The following KCNH1 variants were observed in gnomAD, a reference collection of about 807,000 sequenced individuals.
The protein encoded by KCNH1 is voltage-gated delayed rectifier potassium channel KCNH1.
In KCNH1, 27 loss-of-function variants were observed where a neutral mutation model predicts 69.2. That is an observed-to-expected ratio of 0.39 (90% CI 0.29 to 0.54). KCNH1 has a LOEUF of 0.54. Ranked by LOEUF, KCNH1 falls within the 20% of genes least tolerant of loss-of-function variation. The pLI is 0.68. For missense variants in KCNH1, 798 were observed against 1,261.6 expected (o/e 0.63, Z 5.57); for synonymous variants, 456 against 487.7 (o/e 0.93, Z 0.86).
At chr1:210,924,970 C>T (rs909550756) in intron 6 of KCNH1, among the ~76,000 whole-genome samples, 1 of 152,022 alleles carries the variant, frequency 6.6e-6, no homozygotes, top group African/African-American at 2.4e-5. Context: ...AGTACCCTAC[C>T]CAACTGATGC....
rs185317963 is a variant in KCNH1 at position 210,860,680 on chromosome 1, C to T, written c.1463-56514G>A. ...TACAGGTCTGATAAATGCTGTGATA[C>T]ATTCTTTAGATTTTTCTTGATTGCT... On this transcript the variant is annotated intron_variant, in intron 7 of 10. Coordinates refer to ENST00000271751, the MANE Select transcript of KCNH1 (RefSeq NM_172362.3). The T allele has an allele frequency of 1.9e-4, 147 of 775,160 alleles. 1 individual carries two copies. The African/African-American group carries it at 2.2e-3, about 12-fold the overall frequency. The allele number at this position is 775,160 out of a possible 1,614,324, so 48.0% of individuals were successfully genotyped here.
At chr1:211,070,715 A>C (rs1018545536) in intron 5 of KCNH1, among the ~76,000 whole-genome samples, 1 of 150,216 alleles carries the variant, frequency 6.7e-6, no homozygotes, top group Admixed American at 6.6e-5. Context: ...TCCCAGCTAC[A>C]GGAGGCTGAG....
At chr1:210,755,838 C>T (rs1247522226) in intron 10 of KCNH1, among the ~76,000 whole-genome samples, 1 of 152,180 alleles carries the variant, frequency 6.6e-6, no homozygotes, top group African/African-American at 2.4e-5. Flanking sequence ...TCTGAGTCCT[C>T]CCCACAGTGA....
chr1:210,788,321 C>A (rs752047348), intron 9 of KCNH1, among the ~76,000 whole-genome samples: 1 of 152,142 alleles, frequency 6.6e-6, no homozygotes, highest in Non-Finnish European at 1.5e-5. Flanking sequence ...CTATATATAG[C>A]TATATATTCT....
At chr1:211,108,111 A>T (rs1390712194) in intron 1 of KCNH1, among the ~76,000 whole-genome samples, 1 of 152,212 alleles carries the variant, frequency 6.6e-6, no homozygotes, top group Non-Finnish European at 1.5e-5. Flanking sequence ...TGCAGGGTTT[A>T]GGTAGGCTAG....
chr1:210,696,862 A>G (rs766847956), intron 10 of KCNH1, among the ~76,000 whole-genome samples: 13 of 152,224 alleles, frequency 8.5e-5, no homozygotes, highest in Admixed American at 8.5e-4. Flanking sequence ...ATCCAAGTCT[A>G]TCTTAGAAGT....
rs146388429 is a variant in KCNH1, at chr1:211,037,081, A to G, written c.559-17825T>C. Among the ~76,000 whole-genome samples the G allele has an allele frequency of 3.3e-4, 51 of 152,340 alleles. 1 individual carries two copies. Among genetic ancestry groups the G allele is most frequent in the African/African-American group, 1.2e-3 (51 of 41,574 alleles). On this transcript the variant is annotated intron_variant, in intron 5 of 10. Transcript: ENST00000271751. ...ATAGGGAAATCAGACTGACTAACCT[A>G]TCACATTTCTCTAGCATTTTTACTT...
At position 210,989,173 on chromosome 1, in the gene KCNH1, T is replaced by C. The variant is rs558254259; in HGVS notation, c.1032+29610A>G. 1.7e-4 allele frequency among the ~76,000 whole-genome samples: 26 copies of C among 152,348 alleles called. No homozygotes were observed. In the South Asian group the frequency reaches 5.4e-3, roughly 32 times the overall value. ...GCAAAAGAAAGTGGGCCAAGTTTTG[T>C]GCTTTTTCAATGCATCTGCTCCACA... On this transcript the variant is annotated intron_variant, in intron 6 of 10. Coordinates refer to ENST00000271751, the MANE Select transcript of KCNH1 (RefSeq NM_172362.3).
At chr1:211,013,015 A>G (rs963543493) in intron 6 of KCNH1, among the ~76,000 whole-genome samples, 1 of 152,196 alleles carries the variant, frequency 6.6e-6, no homozygotes, top group African/African-American at 2.4e-5. Flanking sequence ...CCTATACAGT[A>G]TTGTTAGAAC....
At chr1:210,703,536 C>T (rs537276290) in intron 10 of KCNH1, among the ~76,000 whole-genome samples, 10 of 152,308 alleles carry the variant, frequency 6.6e-5, no homozygotes, top group African/African-American at 2.4e-4. Flanking sequence ...AGAAATAATG[C>T]ATTTAAAGTG....
At chr1:210,813,718 C>A (rs976584748) in intron 7 of KCNH1, among the ~76,000 whole-genome samples, 2 of 152,178 alleles carry the variant, frequency 1.3e-5, no homozygotes, top group African/African-American at 4.8e-5. Context: ...AAACTCACTG[C>A]CTGGGCAGAA....
chr1:210,982,605 C>G (rs913825398), intron 6 of KCNH1, among the ~76,000 whole-genome samples: 1 of 151,944 alleles, frequency 6.6e-6, no homozygotes, highest in African/African-American at 2.4e-5. Context: ...GAACTCATCA[C>G]TTTTTATGGC....
chr1:211,001,805 A>T (rs1442327626), intron 6 of KCNH1, among the ~76,000 whole-genome samples: 1 of 152,220 alleles, frequency 6.6e-6, no homozygotes, highest in Non-Finnish European at 1.5e-5. Flanking sequence ...AAAATGTGGC[A>T]TATATACACC....
At chr1:210,879,510 T>C (rs1248252839) in intron 7 of KCNH1, among the ~76,000 whole-genome samples, 1 of 152,030 alleles carries the variant, frequency 6.6e-6, no homozygotes, top group Non-Finnish European at 1.5e-5. Context: ...AAAAATCACA[T>C]GATTATATCA....
chr1:210,912,783 C>T (rs144869657), intron 7 of KCNH1, among the ~76,000 whole-genome samples: 1 of 152,174 alleles, frequency 6.6e-6, no homozygotes, highest in Non-Finnish European at 1.5e-5. Context: ...AAAGCCAGAA[C>T]TGACTGGTTC....
chr1:211,102,196 G>C (rs1691270162), intron 3 of KCNH1, among the ~76,000 whole-genome samples: 2 of 152,110 alleles, frequency 1.3e-5, no homozygotes, highest in African/African-American at 2.4e-5. Flanking sequence ...ACTCACTCTG[G>C]GGCATATGTT....
chr1:210,733,178 C>G (rs1165033480), intron 10 of KCNH1, among the ~76,000 whole-genome samples: 1 of 152,036 alleles, frequency 6.6e-6, no homozygotes, highest in Non-Finnish European at 1.5e-5. Flanking sequence ...TTTCTTACTT[C>G]AAGTTCTTAG....
At position 210,742,687 on chromosome 1, in the gene KCNH1, T is replaced by C. The variant is rs1683060436; in HGVS notation, c.2112+32661A>G. Among the ~76,000 whole-genome samples, 5 of 152,254 alleles carry C rather than the reference T, an allele frequency of 3.3e-5. No homozygotes were observed. The Middle Eastern group carries it at 0.01, about 311-fold the overall frequency. The stretch of plus-strand genomic sequence containing the variant: ...GCCGCACCTTCCCAGCTCTTATCTC[T>C]AGACAAGGGCTCAGGGGCTCAAGGA... On this transcript the variant is annotated intron_variant, in intron 10 of 10. Transcript: ENST00000271751.
intron 10 of KCNH1, among the ~76,000 whole-genome samples, chr1:210,691,367 G>A (rs1558424891): frequency 6.6e-6 from 1 of 152,192 alleles, no homozygotes. Flanking sequence ...TGTGTTAAAT[G>A]TTGGACCTGT....
Sources: allele counts gnomAD v4.1 joint callset (sites outside exome capture counted in the v4.1 genomes callset), GRCh38; gene constraint gnomAD v4.1.1; transcripts MANE v1.5; gene names NCBI Gene and HGNC (gene_info 2026-07-23, HGNC 2026-07-21).